PANX1: variants seen among roughly 807,000 people sequenced by gnomAD.
PANX1 encodes pannexin 1.
A neutral mutation model predicts 38.7 loss-of-function variants in PANX1; 30 were observed. The observed-to-expected ratio is 0.78, with a 90% CI of 0.58 to 1.05. The LOEUF is 1.05. PANX1 is among the 50% of genes least tolerant of loss of function. The pLI is 0.00. For synonymous variants in PANX1, 230 were observed against 212.2 expected, an observed-to-expected ratio of 1.08 and a Z score of -0.73; for missense variants, 551 against 517.2, an observed-to-expected ratio of 1.07 and a Z score of -0.63.
At chr11:94,154,226 C>G (rs1348509742) in intron 2 of PANX1, among the ~76,000 whole-genome samples, 1 of 152,128 alleles carries the variant, frequency 6.6e-6, no homozygotes, top group Non-Finnish European at 1.5e-5. Context: ...CAAGAGACAC[C>G]AATGTCTGGG....
chr11:94,136,113 C>T (rs897177460), intron 1 of PANX1, among the ~76,000 whole-genome samples: 1 of 152,038 alleles, frequency 6.6e-6, no homozygotes, highest in Non-Finnish European at 1.5e-5. Context: ...GGAGACTAGT[C>T]GCAGCAGTAT....
At chr11:94,142,609 C>G (rs987997677) in intron 1 of PANX1, among the ~76,000 whole-genome samples, 13 of 152,192 alleles carry the variant, frequency 8.5e-5, no homozygotes, top group Non-Finnish European at 1.3e-4. Flanking sequence ...CAGTCATTAC[C>G]CTTATGTGAT....
chr11:94,131,930 G>C (rs949224523), intron 1 of PANX1, among the ~76,000 whole-genome samples: 7 of 152,148 alleles, frequency 4.6e-5, no homozygotes, highest in African/African-American at 1.7e-4. Flanking sequence ...CCACCATATT[G>C]GCCAGTGAAC....
chr11:94,155,066 C>T (rs1946932507), intron 2 of PANX1, among the ~76,000 whole-genome samples: 2 of 150,992 alleles, frequency 1.3e-5, no homozygotes, highest in South Asian at 2.1e-4. Flanking sequence ...ATTAACCAGG[C>T]GTGGCTGGGT....
intron 1 of PANX1, among the ~76,000 whole-genome samples, chr11:94,134,621 A>T (rs1384517703): frequency 1.3e-5 from 2 of 150,016 alleles, no homozygotes; most frequent in Non-Finnish European, 3.0e-5. Context: ...AAAAAGAAGA[A>T]ATCCCTCTTT....
At chr11:94,171,771 C>G (rs1473644388) in intron 2 of PANX1, among the ~76,000 whole-genome samples, 1 of 151,248 alleles carries the variant, frequency 6.6e-6, no homozygotes. Flanking sequence ...TCTTCCTCCT[C>G]CCTTTCTCTC....
At chr11:94,143,153 A>G (rs1011646728) in intron 1 of PANX1, among the ~76,000 whole-genome samples, 2 of 152,204 alleles carry the variant, frequency 1.3e-5, no homozygotes, top group Non-Finnish European at 2.9e-5. Flanking sequence ...GTCCTACACA[A>G]AAGGGTTTCT....
At chr11:94,177,903 T>A (rs867477528) in intron 2 of PANX1, among the ~76,000 whole-genome samples, 36 of 152,042 alleles carry the variant, frequency 2.4e-4, no homozygotes, top group African/African-American at 8.4e-4. Flanking sequence ...CTAATTTGTT[T>A]TGGGGGAAGT....
intron 1 of PANX1, among the ~76,000 whole-genome samples, chr11:94,145,655 C>G (rs1946821110): frequency 6.6e-6 from 1 of 152,228 alleles, no homozygotes; most frequent in East Asian, 1.9e-4. Context: ...CCTGTCTGGT[C>G]TCTGCTTCTG....
intron 2 of PANX1, among the ~76,000 whole-genome samples, chr11:94,171,748 T>C (rs1404636853): frequency 6.6e-6 from 1 of 151,414 alleles, no homozygotes; most frequent in African/African-American, 2.5e-5. Context: ...CAACCGACTT[T>C]GATTTCTCCC....
chr11:94,176,545 T>C (rs1422061391), intron 2 of PANX1, among the ~76,000 whole-genome samples: 1 of 151,518 alleles, frequency 6.6e-6, no homozygotes, highest in South Asian at 2.1e-4. Flanking sequence ...TCATTAGCAA[T>C]GGGGGAAACT....
rs868659941 is a variant in PANX1, at chr11:94,178,414, C to T, written c.367C>T (p.Pro123Ser). Residue 123 changes from proline (P) to serine (S), a missense_variant, in exon 3 of 5, where the codon CCC becomes TCC. Coordinates refer to ENST00000227638, the MANE Select transcript of PANX1 (RefSeq NM_015368.4). ...GCTCTTTGCGATCCTCCTGTACCTG[C>T]CCCCGCTGTTCTGGCGTTTCGCAGC... ...LLLFAILLYL[P>S]PLFWRFAAAP... The T allele has an allele frequency of 1.2e-6, 2 of 1,614,008 alleles. No homozygotes were observed. Among genetic ancestry groups the T allele is most frequent in the Non-Finnish European group, 8.5e-7 (1 of 1,179,930 alleles).
chr11:94,132,180 T>A lies in PANX1; in HGVS notation c.181+2687T>A, dbSNP rs973836988. 2.0e-5 allele frequency among the ~76,000 whole-genome samples: 3 copies of A among 149,748 alleles called. No homozygotes were observed. In the South Asian group the frequency reaches 6.2e-4, roughly 31 times the overall value. The stretch of plus-strand genomic sequence containing the variant: ...ATCATCAGACCTTGCTAATTGATTG[T>A]TATGTGCATGATGCTGTACCTTGGC... On this transcript the variant is annotated intron_variant, in intron 1 of 4. Transcript: ENST00000227638.
rs150300639 is a variant in PANX1 at position 94,132,974 on chromosome 11, A to C, written c.181+3481A>C. Among the ~76,000 whole-genome samples the C allele has an allele frequency of 1.8e-3, 269 of 152,282 alleles. 2 individuals carry two copies. The highest frequency in any genetic ancestry group is 6.1e-3 in the African/African-American group (254 of 41,550). On this transcript the variant is annotated intron_variant, in intron 1 of 4. Coordinates refer to ENST00000227638, the MANE Select transcript of PANX1 (RefSeq NM_015368.4). ...AGAGAGGGAATGTCCTCATATGATA[A>C]AATACTTGGCTTCATATTAAAGGCT...
intron 1 of PANX1, among the ~76,000 whole-genome samples, chr11:94,132,671 TG>T (rs1565370987): frequency 6.6e-6 from 1 of 152,192 alleles, no homozygotes; most frequent in Non-Finnish European, 1.5e-5. Flanking sequence ...TTTTTCCACC[TG>T]TATGATAAAC....
At chr11:94,160,388 G>A (rs1194837775) in intron 2 of PANX1, among the ~76,000 whole-genome samples, 1 of 152,140 alleles carries the variant, frequency 6.6e-6, no homozygotes, top group Non-Finnish European at 1.5e-5. Context: ...CTAAGGACTG[G>A]CTTTATGAAT....
rs573048696 is a variant in PANX1, at chr11:94,177,956, A to G, written c.322-413A>G. ...TTTTCCCAGATTCCAGAGTAGGGCAAAAATGGAGCCGTATGCCTTAGTTGC... is the reference window on the plus strand; with the variant it reads ...TTTTCCCAGATTCCAGAGTAGGGCAGAAATGGAGCCGTATGCCTTAGTTGC... On this transcript the variant is annotated intron_variant, in intron 2 of 4. Transcript: ENST00000227638. Among the ~76,000 whole-genome samples, 7 of 152,086 alleles carry G rather than the reference A, an allele frequency of 4.6e-5. 1 individual carries two copies. The highest frequency in any genetic ancestry group is 7.4e-5 in the Non-Finnish European group (5 of 67,910).
At chr11:94,135,799 A>G (rs867715207) in intron 1 of PANX1, among the ~76,000 whole-genome samples, 1 of 152,190 alleles carries the variant, frequency 6.6e-6, no homozygotes. Context: ...TTATTGCTGT[A>G]CTTTGTCTGC....
intron 4 of PANX1, among the ~76,000 whole-genome samples, chr11:94,180,556 T>G (rs1033717933): frequency 3.3e-5 from 5 of 152,244 alleles, no homozygotes; most frequent in African/African-American, 1.2e-4. Context: ...CTTGTCTTTC[T>G]TGCTTATTTT....
Sources: allele counts gnomAD v4.1 joint callset (sites outside exome capture counted in the v4.1 genomes callset), GRCh38; gene constraint gnomAD v4.1.1; transcripts MANE v1.5; gene names NCBI Gene and HGNC (gene_info 2026-07-23, HGNC 2026-07-21).